Variants in PALLD observed in about 807,000 individuals in gnomAD.
PALLD encodes the protein palladin.
PALLD carries 61 observed loss-of-function variants against 123.5 expected under a neutral mutation model. The observed-to-expected ratio is 0.49, with a 90% CI of 0.40 to 0.61. The LOEUF (loss-of-function observed/expected upper bound fraction) is 0.61. Ranked by LOEUF, PALLD falls within the 20% of genes least tolerant of loss-of-function variation. PALLD has a pLI of 0.00. For synonymous variants in PALLD, 465 were observed against 496.4 expected (o/e 0.94, Z 0.84); for missense variants, 1,273 against 1,377.0 (o/e 0.92, Z 1.20).
intron 2 of PALLD, among the ~76,000 whole-genome samples, chr4:168,516,053 C>G (rs1467493809): frequency 6.6e-6 from 1 of 152,180 alleles, no homozygotes; most frequent in Non-Finnish European, 1.5e-5. Context: ...GTGTGAACAC[C>G]ACTTATGACT....
At position 168,840,106 on chromosome 4, in the gene PALLD, A is replaced by AT. The variant is rs556506917; in HGVS notation, c.1965-50808dup. Among the ~76,000 whole-genome samples the AT allele has an allele frequency of 2.1e-3, 309 of 149,948 alleles. 1 individual carries two copies. Among genetic ancestry groups the AT allele is most frequent in the African/African-American group, 7.4e-3 (290 of 39,404 alleles). ...GGATGTATTTGTGTGGAAGATGTAG[A>AT]TTTTTTTTAAAAAAAATCTATTTTT... On this transcript the variant is annotated intron_variant, in intron 10 of 21. Coordinates refer to ENST00000505667, the MANE Select transcript of PALLD (RefSeq NM_001166108.2).
At chr4:168,693,367 G>A (rs1782834651) in intron 8 of PALLD, among the ~76,000 whole-genome samples, 1 of 152,128 alleles carries the variant, frequency 6.6e-6, no homozygotes. Flanking sequence ...TTTTGATTGT[G>A]AATTATTTAA....
At chr4:168,559,352 G>A (rs528892809) in intron 2 of PALLD, among the ~76,000 whole-genome samples, 2 of 152,084 alleles carry the variant, frequency 1.3e-5, no homozygotes, top group Admixed American at 6.5e-5. Flanking sequence ...GATCATTAAA[G>A]GTACAGAGCA....
chr4:168,814,027 A>T (rs1741561296), intron 10 of PALLD, among the ~76,000 whole-genome samples: 2 of 152,192 alleles, frequency 1.3e-5, no homozygotes, highest in African/African-American at 4.8e-5. Flanking sequence ...TAAACTCTGA[A>T]TTCGATAGAG....
At chr4:168,865,405 A>T (rs932070117) in intron 10 of PALLD, among the ~76,000 whole-genome samples, 1 of 152,224 alleles carries the variant, frequency 6.6e-6, no homozygotes, top group Non-Finnish European at 1.5e-5. Context: ...CATTCACACC[A>T]CGGACCCTTT....
At chr4:168,529,363 C>T (rs1764384151) in intron 2 of PALLD, among the ~76,000 whole-genome samples, 1 of 151,724 alleles carries the variant, frequency 6.6e-6, no homozygotes, top group Admixed American at 6.6e-5. Context: ...ATGTGTTTTT[C>T]TCTTCAAAAT....
At chr4:168,829,655 G>A (rs1237286581) in intron 10 of PALLD, among the ~76,000 whole-genome samples, 1 of 152,192 alleles carries the variant, frequency 6.6e-6, no homozygotes, top group Non-Finnish European at 1.5e-5. Flanking sequence ...TCCCATCACA[G>A]CCTGCAAGAA....
intron 10 of PALLD, among the ~76,000 whole-genome samples, chr4:168,737,761 A>C (rs779204984): frequency 1.4e-4 from 21 of 152,360 alleles, no homozygotes; most frequent in Middle Eastern, 3.4e-3. Context: ...GATCAAGGTC[A>C]AGTAAGAAAG....
At chr4:168,680,923 C>G (rs1230234828) in intron 3 of PALLD, among the ~76,000 whole-genome samples, 2 of 152,176 alleles carry the variant, frequency 1.3e-5, no homozygotes, top group Non-Finnish European at 2.9e-5. Flanking sequence ...CAGTTTTACC[C>G]AGGAGCCAGA....
chr4:168,803,199 C>T (rs1456693685), intron 10 of PALLD, among the ~76,000 whole-genome samples: 2 of 152,032 alleles, frequency 1.3e-5, no homozygotes, highest in Non-Finnish European at 2.9e-5. Context: ...AGCATGGCTG[C>T]GTGGCTGGGA....
chr4:168,795,186 A>G (rs746125425), intron 10 of PALLD, among the ~76,000 whole-genome samples: 2 of 152,188 alleles, frequency 1.3e-5, no homozygotes, highest in Non-Finnish European at 2.9e-5. Context: ...AATTATAGGG[A>G]CACACAAACA....
At chr4:168,796,937 T>G (rs1454288304) in intron 10 of PALLD, among the ~76,000 whole-genome samples, 1 of 152,196 alleles carries the variant, frequency 6.6e-6, no homozygotes, top group East Asian at 1.9e-4. Flanking sequence ...GTGAATACAG[T>G]TACCCTGGGC....
intron 2 of PALLD, among the ~76,000 whole-genome samples, chr4:168,514,603 T>C (rs1322499725): frequency 1.3e-5 from 2 of 152,230 alleles, no homozygotes; most frequent in Admixed American, 6.5e-5. Flanking sequence ...CATTTTACCT[T>C]TGACAGAAAT....
intron 8 of PALLD, among the ~76,000 whole-genome samples, chr4:168,708,488 C>T (rs542081725): frequency 7.9e-5 from 12 of 152,208 alleles, no homozygotes; most frequent in African/African-American, 2.9e-4. Flanking sequence ...CTGGGCTTTT[C>T]ATGCCCTACA....
chr4:168,511,859 A>G lies in PALLD; in HGVS notation c.355A>G (p.Lys119Glu). 1 of 1,614,110 alleles carries G rather than the reference A, an allele frequency of 6.2e-7. No homozygotes were observed. The highest frequency in any genetic ancestry group is 1.1e-5 in the South Asian group (1 of 91,080). Residue 119 changes from lysine (K) to glutamate (E), a missense_variant, in exon 2 of 22, where the codon AAG (lysine) becomes GAG (glutamate). By Grantham distance (56) the Lys-to-Glu change is moderately conservative. Around this residue, in one of 2 missense-constraint regions of PALLD, gnomAD observed 944 missense variants for 954.5 expected, o/e 0.99. Coordinates refer to ENST00000505667, the MANE Select transcript of PALLD (RefSeq NM_001166108.2). The part of the protein sequence containing the change: ...QTKSISSPVS[K>E]RKPAMSPLLT... ...TAAGAGTATCTCTTCACCTGTTTCA[A>G]AGAGGAAACCTGCCATGTCACCCCT... is the stretch of plus-strand genomic sequence containing the variant.
At chr4:168,593,883 T>A (rs1272961357) in intron 2 of PALLD, among the ~76,000 whole-genome samples, 6 of 152,198 alleles carry the variant, frequency 3.9e-5, no homozygotes, top group Non-Finnish European at 8.8e-5. Flanking sequence ...TGATTAAAAA[T>A]TTTTAAAGAC....
chr4:168,532,311 A>G (rs1281706945), intron 2 of PALLD, among the ~76,000 whole-genome samples: 2 of 152,162 alleles, frequency 1.3e-5, no homozygotes, highest in Non-Finnish European at 2.9e-5. Context: ...TCAGATCTTC[A>G]CTACTTCAGA....
intron 2 of PALLD, among the ~76,000 whole-genome samples, chr4:168,611,407 A>G (rs1025696729): frequency 2.6e-5 from 4 of 152,178 alleles, no homozygotes; most frequent in Non-Finnish European, 5.9e-5. Context: ...GTTCCATCAC[A>G]TCCTGCCGGG....
intron 10 of PALLD, among the ~76,000 whole-genome samples, chr4:168,732,928 A>G (rs1275150939): frequency 6.6e-6 from 1 of 152,212 alleles, no homozygotes; most frequent in Non-Finnish European, 1.5e-5. Flanking sequence ...GAAGACTTAC[A>G]GGGATGTTCC....
Sources: gnomAD v4.1 joint callset for allele counts (sites outside exome capture counted in the v4.1 genomes callset) on GRCh38, gnomAD v4.1.1 for gene constraint, gnomAD v4.1.1 regional missense constraint, MANE v1.5 for transcripts, NCBI Gene and HGNC (gene_info 2026-07-23, HGNC 2026-07-21) for gene names.